ATP1A2: variants seen among roughly 807,000 people sequenced by gnomAD.
ATP1A2 encodes the protein ATPase Na+/K+ transporting subunit alpha 2.
Under a neutral mutation model 113.1 loss-of-function variants are expected in ATP1A2, and 56 were observed. That is an observed-to-expected ratio of 0.49 (90% CI 0.40 to 0.62). The LOEUF is 0.62. ATP1A2 is among the 20% of genes least tolerant of loss of function. ATP1A2 has a pLI of 0.00. For missense variants in ATP1A2, 712 were observed against 1,357.8 expected (o/e 0.52, Z 7.47); for synonymous variants, 490 against 526.8 (o/e 0.93, Z 0.96).
In ATP1A2 at chr1:160,124,032, T is replaced by C. The variant is rs553035942; in HGVS notation, c.471T>C (p.Asp157=). 1.2e-4 allele frequency: 196 copies of C among 1,614,176 alleles called. 1 individual carries two copies. The South Asian group carries it at 2.1e-3, about 17-fold the overall frequency. Residue 157 remains aspartate, a synonymous_variant, in exon 5 of 23, where the codon GAT becomes GAC. Transcript: ENST00000361216. ...YQEAKSSKIM[D]SFKNMVPQQA... is the part of the protein sequence containing the mutation. ...AGGCCAAGAGCTCCAAGATCATGGA[T>C]TCCTTCAAGAACATGGTACCTCAGG...
chr1:160,137,370 G>T (rs140844741), intron 20 of ATP1A2, among the ~76,000 whole-genome samples: 2 of 151,902 alleles, frequency 1.3e-5, no homozygotes, highest in African/African-American at 4.8e-5. Flanking sequence ...CTGGCCTTCC[G>T]CAGGCAGTCT....
rs201515950 is a variant in ATP1A2, at chr1:160,129,220, T to A, written c.1327-46T>A. ...GTGCCGCCTTCACCTGATCCTCCAC[T>A]CCCTTCCCTCCCATGCTGACACTGA... is the stretch of plus-strand genomic sequence containing the variant. On this transcript the variant is annotated intron_variant, in intron 10 of 22. Coordinates refer to ENST00000361216, the MANE Select transcript of ATP1A2 (RefSeq NM_000702.4). 9.3e-5 allele frequency: 150 copies of A among 1,613,886 alleles called. No individual in the cohort carries two copies. In the African/African-American group the frequency reaches 1.3e-3, roughly 14 times the overall value.
In ATP1A2 at chr1:160,123,513, A is replaced by G. The variant is rs957588672; in HGVS notation, c.381+97A>G. The G allele has an allele frequency of 5.4e-6, 8 of 1,479,590 alleles. No homozygotes were observed. The African/African-American group carries it at 9.7e-5, about 18-fold the overall frequency. The allele number at this position is 1,479,590 out of a possible 1,614,324, so 91.7% of individuals were successfully genotyped here. A position where few individuals can be genotyped will look rare whatever the true frequency, so the allele number is the denominator to read the frequency against. The stretch of plus-strand genomic sequence containing the variant: ...GGTGGGCAGGGAACAAGGCCCTCAC[A>G]TAACAGTCCTACAGATGCCCCTGCA... On this transcript the variant is annotated intron_variant, in intron 4 of 22. Coordinates refer to ENST00000361216, the MANE Select transcript of ATP1A2 (RefSeq NM_000702.4).
At chr1:160,139,604 C>T (rs775082165) in intron 20 of ATP1A2, 36 bp from the exon 21 acceptor site, 19 of 1,589,750 alleles carry the variant, frequency 1.2e-5, no homozygotes, top group Admixed American at 3.3e-5. Context: ...CTCCATGATC[C>T]CCCTTCACCT....
intron 1 of ATP1A2, among the ~76,000 whole-genome samples, chr1:160,119,834 A>C (rs1651323968): frequency 6.6e-6 from 1 of 151,694 alleles, no homozygotes; most frequent in Non-Finnish European, 1.5e-5. Flanking sequence ...ATCTAAAAAA[A>C]AAAAAAAAAA....
Position 160,136,454 on chromosome 1 carries a change from C to T in ATP1A2, c.2563+84C>T, listed in dbSNP as rs1357961940. ...AGAGGAATGAGCCCCAAGCAAAATT[C>T]CAGGACAGAGGCCAGCTACCCAAGG... is the stretch of plus-strand genomic sequence containing the variant. On this transcript the variant is annotated intron_variant, in intron 18 of 22. Coordinates refer to ENST00000361216, the MANE Select transcript of ATP1A2 (RefSeq NM_000702.4). 12 of 1,612,312 alleles carry T rather than the reference C, an allele frequency of 7.4e-6. No individual in the cohort carries two copies. The East Asian group carries it at 2.5e-4, about 33-fold the overall frequency.
chr1:160,127,670 C>A lies in ATP1A2; in HGVS notation c.867C>A (p.Phe289Leu). The A allele has an allele frequency of 6.2e-7, 1 of 1,614,228 alleles. No individual in the cohort carries two copies. The highest frequency in any genetic ancestry group is 8.5e-7 in the Non-Finnish European group (1 of 1,180,028). The change falls in exon 8 of 23, where the codon TTC becomes TTA. Residue 289 changes from phenylalanine to leucine, a missense_variant. Coordinates refer to ENST00000361216, the MANE Select transcript of ATP1A2 (RefSeq NM_000702.4). ...CCATAGCAATGGAGATTGAACACTTCATCCAGCTGATCACAGGGGTCGCTG... is the reference window on the plus strand; with the variant it reads ...CCATAGCAATGGAGATTGAACACTTAATCCAGCTGATCACAGGGGTCGCTG... ...RTPIAMEIEHFIQLITGVAVF... is the reference protein window; with the variant it reads ...RTPIAMEIEHLIQLITGVAVF...
chr1:160,135,757 A>G lies in ATP1A2; in HGVS notation c.2285-82A>G. 1 of 1,612,182 alleles carries G rather than the reference A, an allele frequency of 6.2e-7. No individual in the cohort carries two copies. The highest frequency in any genetic ancestry group is 1.3e-5 in the African/African-American group (1 of 74,898). On this transcript the variant is annotated intron_variant, in intron 16 of 22. Coordinates refer to ENST00000361216, the MANE Select transcript of ATP1A2 (RefSeq NM_000702.4). This position sits in a 1 kb window ranked among gnomAD's most constrained non-coding sequence, Gnocchi z 6.3. Reference sequence around the variant, plus strand: ...GAACACAAAATCTTCCTCTCTTGGGAAGACAGGCAGCCATGCTTCAGGGGC... The same window carrying G: ...GAACACAAAATCTTCCTCTCTTGGGGAGACAGGCAGCCATGCTTCAGGGGC...
At chr1:160,136,876 C>G in intron 19 of ATP1A2, 25 bp from the exon 20 acceptor site, 1 of 1,614,246 alleles carries the variant, frequency 6.2e-7, no homozygotes, top group Non-Finnish European at 8.5e-7. Context: ...ACACTCTCAT[C>G]TGTCTCTGCC....
chr1:160,132,769 A>G (rs1371948640), intron 13 of ATP1A2, among the ~76,000 whole-genome samples: 2 of 152,188 alleles, frequency 1.3e-5, no homozygotes, highest in African/African-American at 4.8e-5. Flanking sequence ...CTCATGAAAG[A>G]TGGTCAGGAC....
At chr1:160,119,921 C>T (rs1651328907) in intron 1 of ATP1A2, among the ~76,000 whole-genome samples, 2 of 150,946 alleles carry the variant, frequency 1.3e-5, no homozygotes, top group Non-Finnish European at 2.9e-5. Flanking sequence ...ACTTGAGAGG[C>T]TGAGGTGGGA....
intron 3 of ATP1A2, among the ~76,000 whole-genome samples, chr1:160,121,947 C>A (rs1266244877): frequency 6.6e-6 from 1 of 152,166 alleles, no homozygotes; most frequent in Non-Finnish European, 1.5e-5. Context: ...GCCTGGGCAA[C>A]ATGGCAAAAC....
chr1:160,123,003 C>T (rs1226047201), intron 3 of ATP1A2, among the ~76,000 whole-genome samples: 2 of 152,160 alleles, frequency 1.3e-5, no homozygotes, highest in Non-Finnish European at 2.9e-5. Context: ...CAAGCCCAGT[C>T]AAACCCTTCT....
chr1:160,135,019 T>C lies in ATP1A2; in HGVS notation c.1965-126T>C. ...AAGTGAGTACTGAGGAGAGGAGAAC[T>C]GAAGCAACAGGGGAAGCAGGCTCAG... On this transcript the variant is annotated intron_variant, in intron 14 of 22. Coordinates refer to ENST00000361216, the MANE Select transcript of ATP1A2 (RefSeq NM_000702.4). The surrounding 1 kb of genome is among the most constrained non-coding windows in gnomAD (Gnocchi z 6.3). 1 of 1,257,038 alleles carries C rather than the reference T, an allele frequency of 8.0e-7. No homozygotes were observed. Among genetic ancestry groups the C allele is most frequent in the Non-Finnish European group, 1.1e-6 (1 of 875,074 alleles). The allele number at this position is 1,257,038 out of a possible 1,614,324, so 77.9% of individuals were successfully genotyped here. A position where few individuals can be genotyped will look rare whatever the true frequency, so the allele number is the denominator to read the frequency against.
chr1:160,137,065 A>G (rs747597837), intron 20 of ATP1A2, 34 bp downstream of exon 20: 39 of 1,613,464 alleles, frequency 2.4e-5, no homozygotes, highest in Non-Finnish European at 3.3e-5. Flanking sequence ...CTACCCACCC[A>G]GGCTCTGGGC....
At chr1:160,125,564 C>G (rs1206660776) in intron 7 of ATP1A2, 4 of 376,854 alleles carry the variant, frequency 1.1e-5, no homozygotes, top group African/African-American at 8.3e-5. Flanking sequence ...CACACAGATG[C>G]ACATACGCTC....
At chr1:160,132,881 G>T in intron 13 of ATP1A2, among the ~76,000 whole-genome samples, 1 of 152,062 alleles carries the variant, frequency 6.6e-6, no homozygotes, top group East Asian at 1.9e-4. Flanking sequence ...GAAGGGAGGA[G>T]AATGAAATCC....
intron 1 of ATP1A2, among the ~76,000 whole-genome samples, chr1:160,119,904 C>T (rs988267930): frequency 1.3e-5 from 2 of 151,216 alleles, no homozygotes; most frequent in Admixed American, 1.3e-4. Context: ...TGCTTGTGGC[C>T]CCAGCTACTT....
intron 1 of ATP1A2, among the ~76,000 whole-genome samples, chr1:160,117,227 T>C (rs1397584915): frequency 6.6e-6 from 1 of 152,110 alleles, no homozygotes; most frequent in Non-Finnish European, 1.5e-5. Flanking sequence ...AGCTGCATCT[T>C]GACATCTCTG....
Sources: allele counts gnomAD v4.1 joint callset (sites outside exome capture counted in the v4.1 genomes callset), GRCh38; gene constraint gnomAD v4.1.1; non-coding constraint Gnocchi (gnomAD v3.1); transcripts MANE v1.5; gene names NCBI Gene and HGNC (gene_info 2026-07-23, HGNC 2026-07-21).